The following ATG10 variants were observed in gnomAD, a reference collection of about 807,000 sequenced individuals.
ATG10 encodes autophagy related 10.
In ATG10, 30 loss-of-function variants were observed where a neutral mutation model predicts 32.1. The observed-to-expected ratio is 0.94, with a 90% CI of 0.70 to 1.27. The LOEUF (loss-of-function observed/expected upper bound fraction) is 1.27. ATG10 is among the 50% of genes most tolerant of loss of function. The probability of loss-of-function intolerance (pLI) is 0.00; values close to 1 mark genes in which losing one functional copy is unlikely to be tolerated. For synonymous variants in ATG10, 87 were observed against 91.5 expected (o/e 0.95, Z 0.28); for missense variants, 233 against 262.3 (o/e 0.89, Z 0.77).
At chr5:82,221,142 C>A (rs1305655673) in intron 5 of ATG10, among the ~76,000 whole-genome samples, 1 of 152,156 alleles carries the variant, frequency 6.6e-6, no homozygotes, top group Non-Finnish European at 1.5e-5. Context: ...TCTGGAACAC[C>A]TTTCCCGCCT....
At chr5:82,152,012 C>T (rs1767618507) in intron 3 of ATG10, among the ~76,000 whole-genome samples, 1 of 152,100 alleles carries the variant, frequency 6.6e-6, no homozygotes, top group African/African-American at 2.4e-5. Flanking sequence ...GTTTGAAATG[C>T]CATATTACAG....
chr5:82,025,000 T>C (rs1435505040), intron 2 of ATG10, among the ~76,000 whole-genome samples: 3 of 152,336 alleles, frequency 2.0e-5, no homozygotes, highest in Middle Eastern at 6.8e-3. Flanking sequence ...TGTGTACTTT[T>C]TGAAAGGTAA....
chr5:82,038,834 C>G (rs1251898869), intron 2 of ATG10, among the ~76,000 whole-genome samples: 2 of 152,126 alleles, frequency 1.3e-5, no homozygotes, highest in African/African-American at 4.8e-5. Context: ...TACTCTCTTC[C>G]TATATAAGTG....
chr5:82,014,208 T>G (rs1256678971), intron 2 of ATG10, among the ~76,000 whole-genome samples: 1 of 152,214 alleles, frequency 6.6e-6, no homozygotes, highest in African/African-American at 2.4e-5. Context: ...TTGTTATAAT[T>G]TGTGTTCTTT....
chr5:82,068,747 GTA>G (rs370728739), intron 3 of ATG10, among the ~76,000 whole-genome samples: 5 of 139,026 alleles, frequency 3.6e-5, no homozygotes, highest in Admixed American at 7.5e-5. Context: ...TCAACTTAAA[GTA>G]TATATATATA....
chr5:82,226,626 C>T (rs909834554), intron 5 of ATG10, among the ~76,000 whole-genome samples: 1 of 152,148 alleles, frequency 6.6e-6, no homozygotes, highest in African/African-American at 2.4e-5. Flanking sequence ...AGTTTCTGTA[C>T]ATAGCAATAC....
intron 5 of ATG10, among the ~76,000 whole-genome samples, chr5:82,226,557 A>G (rs745502070): frequency 1.3e-5 from 2 of 152,184 alleles, no homozygotes; most frequent in Non-Finnish European, 1.5e-5. Context: ...GATTTATGCA[A>G]TTAGGATTAT....
intron 6 of ATG10, 55 bp downstream of exon 6, chr5:82,252,714 T>C: frequency 9.9e-7 from 1 of 1,013,336 alleles, no homozygotes; most frequent in Non-Finnish European, 1.5e-6. Context: ...AAAGTGTAAA[T>C]CTTTTTATGT....
At chr5:82,106,376 G>A (rs1159479717) in intron 3 of ATG10, among the ~76,000 whole-genome samples, 1 of 152,050 alleles carries the variant, frequency 6.6e-6, no homozygotes, top group Non-Finnish European at 1.5e-5. Flanking sequence ...ATCTCTAGTG[G>A]TATGAAGCCG....
intron 5 of ATG10, among the ~76,000 whole-genome samples, chr5:82,209,951 T>G (rs897137500): frequency 3.9e-5 from 6 of 152,232 alleles, no homozygotes; most frequent in Admixed American, 6.5e-5. Flanking sequence ...GTTAATCTGC[T>G]CTGAAAGTCT....
chr5:82,008,761 C>A (rs1305361849), intron 2 of ATG10, among the ~76,000 whole-genome samples: 2 of 152,158 alleles, frequency 1.3e-5, no homozygotes, highest in Admixed American at 6.5e-5. Flanking sequence ...TGGAATGGAG[C>A]TGTCTCCCAA....
chr5:82,210,630 T>C (rs1014451877), intron 5 of ATG10, among the ~76,000 whole-genome samples: 29 of 152,264 alleles, frequency 1.9e-4, no homozygotes, highest in East Asian at 7.7e-4. Context: ...GATTTTTTTT[T>C]CCCCAGCTTT....
At chr5:82,118,693 T>G (rs1156787041) in intron 3 of ATG10, among the ~76,000 whole-genome samples, 2 of 151,994 alleles carry the variant, frequency 1.3e-5, no homozygotes, top group Non-Finnish European at 1.5e-5. Flanking sequence ...AGTGATCTTG[T>G]TTGGAGATTC....
intron 2 of ATG10, among the ~76,000 whole-genome samples, chr5:82,034,125 A>G (rs1015383273): frequency 7.9e-5 from 12 of 151,830 alleles, no homozygotes; most frequent in African/African-American, 2.7e-4. Flanking sequence ...AGTGCCTATC[A>G]TGAACTTCAG....
chr5:82,123,219 C>T (rs545511828), intron 3 of ATG10, among the ~76,000 whole-genome samples: 3 of 152,240 alleles, frequency 2.0e-5, no homozygotes, highest in East Asian at 1.9e-4. Flanking sequence ...GGAACACAGA[C>T]GTAGCTGGAT....
chr5:82,006,423 C>T (rs1761986956), intron 2 of ATG10, among the ~76,000 whole-genome samples: 2 of 152,176 alleles, frequency 1.3e-5, no homozygotes, highest in Non-Finnish European at 2.9e-5. Flanking sequence ...TATCGACTCA[C>T]AGCCAGAGAT....
At chr5:82,115,147 G>T (rs1765757583) in intron 3 of ATG10, among the ~76,000 whole-genome samples, 1 of 152,046 alleles carries the variant, frequency 6.6e-6, no homozygotes, top group East Asian at 1.9e-4. Flanking sequence ...AGAATGCATA[G>T]ATTTTATCTG....
intron 3 of ATG10, among the ~76,000 whole-genome samples, chr5:82,112,441 T>G (rs1249443141): frequency 6.6e-6 from 1 of 151,864 alleles, no homozygotes; most frequent in Non-Finnish European, 1.5e-5. Flanking sequence ...GAATTCTGAT[T>G]AATGCATTTT....
chr5:82,037,463 G>C (rs1762966243), intron 2 of ATG10, among the ~76,000 whole-genome samples: 1 of 149,074 alleles, frequency 6.7e-6, no homozygotes. Context: ...TAGCCGGGAT[G>C]GTCTCGATCT....
Sources: gnomAD v4.1 joint callset for allele counts (sites outside exome capture counted in the v4.1 genomes callset) on GRCh38, gnomAD v4.1.1 for gene constraint, MANE v1.5 for transcripts, NCBI Gene and HGNC (gene_info 2026-07-23, HGNC 2026-07-21) for gene names.